Variants in UGT1A7 observed in about 807,000 individuals in gnomAD.
UGT1A7 encodes UDP-glucuronosyltransferase 1A7.
UGT1A7 carries 33 observed loss-of-function variants against 45.6 expected under a neutral mutation model. That is an observed-to-expected ratio of 0.72 (90% CI 0.55 to 0.97). The LOEUF is 0.97. Among genes scored for constraint, UGT1A7 ranks in the 50% least tolerant of loss-of-function variants. The pLI, the probability that UGT1A7 is intolerant of heterozygous loss-of-function variation, is 0.00. For missense variants in UGT1A7, 684 were observed against 666.2 expected (o/e 1.03, Z -0.29); for synonymous variants, 274 against 250.6 (o/e 1.09, Z -0.88).
At chr2:233,719,417 G>A (rs368434736) in intron 1 of UGT1A7, 88 of 1,613,876 alleles carry the variant, frequency 5.5e-5, no homozygotes, top group South Asian at 3.5e-4. Flanking sequence ...AGTTACTAAC[G>A]ACCAATTCAG....
chr2:233,733,268 A>G (rs2078375878), intron 1 of UGT1A7, among the ~76,000 whole-genome samples: 1 of 152,120 alleles, frequency 6.6e-6, no homozygotes. Flanking sequence ...GGACTATTTG[A>G]CTTCCTCTTT....
intron 1 of UGT1A7, among the ~76,000 whole-genome samples, chr2:233,701,032 C>G (rs559298566): frequency 6.6e-6 from 1 of 152,118 alleles, no homozygotes; most frequent in African/African-American, 2.4e-5. Flanking sequence ...ATCCATGTCC[C>G]TACAAAGGAC....
At position 233,769,464 on chromosome 2, in the gene UGT1A7, C is replaced by CGTGT; in HGVS notation, c.1295+1037_1295+1040dup. The CGTGT allele has an allele frequency of 2.0e-6, 3 of 1,503,202 alleles. No individual in the cohort carries two copies. The highest frequency in any genetic ancestry group is 2.4e-5 in the South Asian group (2 of 84,104). The allele number at this position is 1,503,202 out of a possible 1,614,324, so 93.1% of individuals were successfully genotyped here. On this transcript the variant is annotated intron_variant, in intron 4 of 4. Transcript: ENST00000373426. The surrounding 1 kb of genome is among the most constrained non-coding windows in gnomAD (Gnocchi z 4.4). ...GGGTGCACACGTGTGCATTCATATG[C>CGTGT]GTGTGTGTGTGTGTGCGTGTGTTTA...
chr2:233,743,543 C>A (rs1253470461), intron 1 of UGT1A7: 2 of 1,367,070 alleles, frequency 1.5e-6, no homozygotes, highest in Admixed American at 3.8e-5. Flanking sequence ...TTCCTCTGAC[C>A]CCCCCAAAAT....
At chr2:233,740,203 T>G (rs1381111431) in intron 1 of UGT1A7, among the ~76,000 whole-genome samples, 1 of 151,870 alleles carries the variant, frequency 6.6e-6, no homozygotes, top group Non-Finnish European at 1.5e-5. Context: ...TTTTATAAAT[T>G]ACCCAGTCTC....
chr2:233,754,277 A>C (rs1263233014), intron 1 of UGT1A7: 4 of 191,024 alleles, frequency 2.1e-5, no homozygotes, highest in Admixed American at 1.6e-4. Flanking sequence ...AAGTGCTGAG[A>C]TGAACATTCT....
intron 1 of UGT1A7, among the ~76,000 whole-genome samples, chr2:233,739,485 C>T (rs535486258): frequency 1.8e-4 from 27 of 152,374 alleles, no homozygotes; most frequent in African/African-American, 6.3e-4. Context: ...GAGCCCATTT[C>T]TGGCATCACC....
At chr2:233,685,826 T>C (rs2074758418) in intron 1 of UGT1A7, among the ~76,000 whole-genome samples, 1 of 152,198 alleles carries the variant, frequency 6.6e-6, no homozygotes, top group Non-Finnish European at 1.5e-5. Flanking sequence ...CTTCACTAAA[T>C]ATAAAAAATA....
intron 1 of UGT1A7, among the ~76,000 whole-genome samples, chr2:233,706,676 C>T (rs2075918998): frequency 6.6e-6 from 1 of 152,132 alleles, no homozygotes; most frequent in African/African-American, 2.4e-5. Context: ...TTCTACTCCC[C>T]ACCCCACTCC....
intron 1 of UGT1A7, chr2:233,721,861 C>A: frequency 2.0e-6 from 1 of 507,538 alleles, no homozygotes; most frequent in Non-Finnish European, 3.9e-6. Flanking sequence ...CTGCTCGGCC[C>A]TGGGCACACT....
chr2:233,687,234 A>G (rs959711464), intron 1 of UGT1A7, among the ~76,000 whole-genome samples: 1 of 152,052 alleles, frequency 6.6e-6, no homozygotes, highest in Non-Finnish European at 1.5e-5. Context: ...ATTATCTCCA[A>G]CCTCCACAAG....
rs542150234 is a variant in UGT1A7, at chr2:233,704,820, A to T, written c.855+22028A>T. ...ATTATATATATGTATATTGCTTTTT[A>T]GGATTGCTTTTAAAATCAGTTAAGA... On this transcript the variant is annotated intron_variant, in intron 1 of 4. Coordinates refer to ENST00000373426, the MANE Select transcript of UGT1A7 (RefSeq NM_019077.3). 2.6e-4 allele frequency among the ~76,000 whole-genome samples: 39 copies of T among 152,234 alleles called. 1 individual carries two copies. The South Asian group carries it at 8.1e-3, about 32-fold the overall frequency.
chr2:233,693,801 C>T (rs774342774), intron 1 of UGT1A7: 45 of 1,614,038 alleles, frequency 2.8e-5, no homozygotes, highest in Non-Finnish European at 3.3e-5. Flanking sequence ...TATCCTAGGC[C>T]GGTCATGCCC....
intron 1 of UGT1A7, among the ~76,000 whole-genome samples, chr2:233,740,219 C>T (rs1379344559): frequency 6.6e-6 from 1 of 151,748 alleles, no homozygotes; most frequent in African/African-American, 2.4e-5. Context: ...GTCTCAGCTG[C>T]GTCTTTATAG....
At chr2:233,711,084 G>A (rs1478616153) in intron 1 of UGT1A7, among the ~76,000 whole-genome samples, 6 of 152,210 alleles carry the variant, frequency 3.9e-5, no homozygotes, top group Non-Finnish European at 7.3e-5. Context: ...ATGGCTCCAA[G>A]TCTATCTGTG....
chr2:233,715,826 A>AT (rs1221797206), intron 1 of UGT1A7, among the ~76,000 whole-genome samples: 3 of 152,148 alleles, frequency 2.0e-5, no homozygotes, highest in African/African-American at 4.8e-5. Flanking sequence ...GTTAGAAAAC[A>AT]TTTTTTTAAA....
chr2:233,710,376 T>C (rs538501974), intron 1 of UGT1A7, among the ~76,000 whole-genome samples: 1 of 152,360 alleles, frequency 6.6e-6, no homozygotes, highest in South Asian at 2.1e-4. Flanking sequence ...TTTACATTCC[T>C]AACAGCAACG....
At chr2:233,710,721 A>T (rs1037353062) in intron 1 of UGT1A7, among the ~76,000 whole-genome samples, 4 of 152,174 alleles carry the variant, frequency 2.6e-5, no homozygotes, top group African/African-American at 9.7e-5. Flanking sequence ...TCATTTTTTA[A>T]AAAACAACGT....
intron 1 of UGT1A7, among the ~76,000 whole-genome samples, chr2:233,707,461 T>C (rs1015244462): frequency 6.6e-6 from 1 of 152,148 alleles, no homozygotes; most frequent in Admixed American, 6.5e-5. Context: ...TAAATTTGCA[T>C]CTGTAAATAA....
Sources: gnomAD v4.1 joint callset for allele counts (sites outside exome capture counted in the v4.1 genomes callset) on GRCh38, gnomAD v4.1.1 for gene constraint, Gnocchi (gnomAD v3.1) non-coding constraint, MANE v1.5 for transcripts, NCBI Gene and HGNC (gene_info 2026-07-23, HGNC 2026-07-21) for gene names.